ADTRP: variants seen among roughly 807,000 people sequenced by gnomAD.
The protein encoded by ADTRP is androgen-dependent TFPI-regulating protein.
In ADTRP, 20 loss-of-function variants were observed where a neutral mutation model predicts 27.0. The ratio of observed to expected loss-of-function variants is 0.74; its 90% CI spans 0.52 to 1.08. The LOEUF (loss-of-function observed/expected upper bound fraction) is 1.08, where lower values mean the gene tolerates loss of function less well. ADTRP is among the 50% of genes least tolerant of loss of function. The pLI, the probability that ADTRP is intolerant of heterozygous loss-of-function variation, is 0.00. For synonymous variants in ADTRP, 101 were observed against 105.2 expected (o/e 0.96, Z 0.25); for missense variants, 251 against 275.0 (o/e 0.91, Z 0.62).
intron 2 of ADTRP, among the ~76,000 whole-genome samples, chr6:11,766,644 G>A (rs1187469924): frequency 6.6e-6 from 1 of 152,220 alleles, no homozygotes; most frequent in Non-Finnish European, 1.5e-5. Flanking sequence ...GGCAGGCAGA[G>A]AAGATATGAA....
intron 1 of ADTRP, among the ~76,000 whole-genome samples, chr6:11,775,876 G>A (rs1371185363): frequency 6.6e-6 from 1 of 152,234 alleles, no homozygotes; most frequent in Non-Finnish European, 1.5e-5. Context: ...GAGGAGGGGT[G>A]TAAATTTTCT....
intron 5 of ADTRP, among the ~76,000 whole-genome samples, chr6:11,720,475 C>CTT (rs1554110970): frequency 0.1 from 15,218 of 148,432 alleles, 1,628 homozygotes; most frequent in African/African-American, 0.26. Flanking sequence ...GGGATATACC[C>CTT]TTTTCTTTTT....
chr6:11,745,667 G>A (rs560768241), intron 3 of ADTRP, among the ~76,000 whole-genome samples: 5 of 152,260 alleles, frequency 3.3e-5, no homozygotes, highest in East Asian at 1.9e-4. Context: ...TGTATCTAAC[G>A]ATCTCAGAAT....
At chr6:11,741,495 C>T (rs1762713802) in intron 3 of ADTRP, among the ~76,000 whole-genome samples, 1 of 152,188 alleles carries the variant, frequency 6.6e-6, no homozygotes, top group Non-Finnish European at 1.5e-5. Flanking sequence ...TGTTTATGAA[C>T]TCTTATGTGA....
rs1232794150 is a variant in ADTRP at position 11,724,211 on chromosome 6, C to T, written c.507-711G>A. Among the ~76,000 whole-genome samples the T allele has an allele frequency of 2.0e-5, 3 of 152,068 alleles. No individual in the cohort carries two copies. The East Asian group carries it at 5.8e-4, about 29-fold the overall frequency. The stretch of plus-strand genomic sequence containing the variant: ...GCTATTATGGCATTGATTTTGCTGG[C>T]TCTAAGCCAGAGAAGTGGGGTTTGC... On this transcript the variant is annotated intron_variant, in intron 4 of 5. Transcript: ENST00000414691.
At chr6:11,725,237 T>C (rs955242813) in intron 4 of ADTRP, among the ~76,000 whole-genome samples, 1 of 152,162 alleles carries the variant, frequency 6.6e-6, no homozygotes, top group African/African-American at 2.4e-5. Flanking sequence ...GAAAAGGCAA[T>C]CCATGGAATG....
chr6:11,747,829 C>A (rs989506960), intron 3 of ADTRP, among the ~76,000 whole-genome samples: 26 of 152,094 alleles, frequency 1.7e-4, no homozygotes, highest in African/African-American at 4.8e-4. Context: ...TCAACTGTTT[C>A]TCCTCTTCCC....
chr6:11,723,410 GA>G lies in ADTRP; in HGVS notation c.596del (p.Leu199ProfsTer24). The G allele has an allele frequency of 6.2e-7, 1 of 1,614,162 alleles. No individual in the cohort carries two copies. The highest frequency in any genetic ancestry group is 8.5e-7 in the Non-Finnish European group (1 of 1,180,014). On this transcript the variant is annotated frameshift_variant, in exon 5 of 6. Transcript: ENST00000414691. LOFTEE classifies it high-confidence loss of function. Reference protein sequence around the residue: ...SLLGLAAFFSLSYVFIASIYL... With the variant: ...SLLGLAAFFSXSYVFIASIYL... ...AGATGCTGGCGATGAAGACGTAGCT[GA>G]GAGAGAAGAAAGCTGCTAGACCCAA...
At chr6:11,770,666 T>A (rs1581371544) in intron 1 of ADTRP, among the ~76,000 whole-genome samples, 1 of 151,770 alleles carries the variant, frequency 6.6e-6, no homozygotes, top group Non-Finnish European at 1.5e-5. Context: ...CAGGAAGGGG[T>A]TGCCACCCTA....
intron 3 of ADTRP, among the ~76,000 whole-genome samples, chr6:11,747,825 G>C (rs1440152746): frequency 6.6e-6 from 1 of 151,998 alleles, no homozygotes; most frequent in East Asian, 1.9e-4. Flanking sequence ...TTTTTCAACT[G>C]TTTCTCCTCT....
chr6:11,731,462 T>C (rs1762377213), intron 4 of ADTRP, among the ~76,000 whole-genome samples: 1 of 152,206 alleles, frequency 6.6e-6, no homozygotes, highest in South Asian at 2.1e-4. Context: ...TTCTATACTA[T>C]GTCCAACATC....
chr6:11,759,417 C>T (rs1312526857), intron 3 of ADTRP, among the ~76,000 whole-genome samples: 2 of 152,196 alleles, frequency 1.3e-5, no homozygotes, highest in Non-Finnish European at 2.9e-5. Flanking sequence ...TTTTACCACA[C>T]TTTGCATCTG....
At chr6:11,740,733 G>A (rs1762688948) in intron 3 of ADTRP, among the ~76,000 whole-genome samples, 1 of 152,146 alleles carries the variant, frequency 6.6e-6, no homozygotes, top group South Asian at 2.1e-4. Flanking sequence ...CTCCCTACAG[G>A]TAGAGACAAT....
chr6:11,735,941 C>A (rs1762537150), intron 3 of ADTRP: 2 of 339,154 alleles, frequency 5.9e-6, no homozygotes, highest in East Asian at 1.2e-4. Flanking sequence ...CCACTGCTCC[C>A]CTCTCCCTAC....
At chr6:11,718,349 C>A (rs1463125174) in intron 5 of ADTRP, among the ~76,000 whole-genome samples, 1 of 152,236 alleles carries the variant, frequency 6.6e-6, no homozygotes, top group African/African-American at 2.4e-5. Context: ...AGGTGTTTAG[C>A]CCCTTTCTGT....
At chr6:11,722,605 A>G (rs2113874541) in intron 5 of ADTRP, among the ~76,000 whole-genome samples, 1 of 152,246 alleles carries the variant, frequency 6.6e-6, no homozygotes, top group Admixed American at 6.5e-5. Flanking sequence ...ACTTTCTGGT[A>G]GTTACTTTTC....
rs751323809 is a variant in ADTRP, at chr6:11,714,477, A to G, written c.*1T>C. On this transcript the variant is annotated 3_prime_UTR_variant, in exon 6 of 6. Transcript: ENST00000414691. The stretch of plus-strand genomic sequence containing the variant: ...CTTGGTTCTTGGAAAATGGTGTGCA[A>G]TTACTTCCTCTTCTTCCGTGGCTGC... 6.2e-7 allele frequency: 1 copy of G among 1,613,418 alleles called. No homozygotes were observed. The highest frequency in any genetic ancestry group is 1.1e-5 in the South Asian group (1 of 90,982).
chr6:11,754,470 C>T (rs1381024269), intron 3 of ADTRP, among the ~76,000 whole-genome samples: 1 of 152,130 alleles, frequency 6.6e-6, no homozygotes, highest in East Asian at 1.9e-4. Flanking sequence ...AATTCAGAAA[C>T]TCAAGATGAG....
chr6:11,719,263 C>T (rs938343620), intron 5 of ADTRP, among the ~76,000 whole-genome samples: 1 of 152,210 alleles, frequency 6.6e-6, no homozygotes, highest in Non-Finnish European at 1.5e-5. Context: ...GAATCTCAAA[C>T]TGCACCCCAG....
Sources: allele counts gnomAD v4.1 joint callset (sites outside exome capture counted in the v4.1 genomes callset), GRCh38; gene constraint gnomAD v4.1.1; transcripts MANE v1.5; gene names NCBI Gene and HGNC (gene_info 2026-07-23, HGNC 2026-07-21).